The following SBF2 variants were observed in gnomAD, a reference collection of about 807,000 sequenced individuals.
SBF2 encodes the protein SET binding factor 2, also known as myotubularin-related protein 13.
In SBF2, 112 loss-of-function variants were observed where a neutral mutation model predicts 225.2. That is an observed-to-expected ratio of 0.50 (90% CI 0.43 to 0.58). The LOEUF is 0.58. Among genes scored for constraint, SBF2 ranks in the 20% least tolerant of loss-of-function variants. The pLI is 0.00. For synonymous variants in SBF2, 763 were observed against 773.3 expected (o/e 0.99, Z 0.22); for missense variants, 1,996 against 2,206.2 (o/e 0.90, Z 1.91).
At chr11:10,219,080 G>A (rs1591240948) in intron 1 of SBF2, among the ~76,000 whole-genome samples, 2 of 152,316 alleles carry the variant, frequency 1.3e-5, no homozygotes, top group East Asian at 1.9e-4. Flanking sequence ...GACTCTGTGT[G>A]GCGGCTCTGA....
chr11:10,058,522 C>T (rs1950328860), intron 2 of SBF2, among the ~76,000 whole-genome samples: 1 of 151,998 alleles, frequency 6.6e-6, no homozygotes, highest in Non-Finnish European at 1.5e-5. Context: ...ATTATGTAAA[C>T]AGAAATCTAT....
intron 16 of SBF2, among the ~76,000 whole-genome samples, chr11:9,897,853 C>T (rs1861391929): frequency 6.6e-6 from 1 of 152,194 alleles, no homozygotes; most frequent in Non-Finnish European, 1.5e-5. Context: ...CTGGATTTAT[C>T]TACCTATCAG....
chr11:9,831,164 AT>A (rs1855375311), intron 27 of SBF2, among the ~76,000 whole-genome samples: 1 of 151,888 alleles, frequency 6.6e-6, no homozygotes, highest in South Asian at 2.1e-4. Flanking sequence ...CGCCTGGCTA[AT>A]TTTTGTATTT....
chr11:9,877,019 G>A lies in SBF2; in HGVS notation c.1930-18623C>T, dbSNP rs539318072. Among the ~76,000 whole-genome samples, 32 of 152,262 alleles carry A rather than the reference G, an allele frequency of 2.1e-4. 1 individual carries two copies. The East Asian group carries it at 2.7e-3, about 13-fold the overall frequency. On this transcript the variant is annotated intron_variant, in intron 17 of 39. Coordinates refer to ENST00000256190, the MANE Select transcript of SBF2 (RefSeq NM_030962.4). ...CTCCCAAAGTGTTGGGATTACAGGCGTGAGCCACTATGCCTGGCCTAGAAC... is the reference window on the plus strand; with the variant it reads ...CTCCCAAAGTGTTGGGATTACAGGCATGAGCCACTATGCCTGGCCTAGAAC...
intron 6 of SBF2, among the ~76,000 whole-genome samples, chr11:10,003,009 C>T (rs1424085176): frequency 1.3e-5 from 2 of 152,134 alleles, no homozygotes; most frequent in Admixed American, 6.5e-5. Context: ...TAAAAACTAA[C>T]CCCTGCAGAG....
intron 32 of SBF2, among the ~76,000 whole-genome samples, chr11:9,806,910 G>A (rs1853885314): frequency 6.6e-6 from 1 of 152,154 alleles, no homozygotes; most frequent in African/African-American, 2.4e-5. Flanking sequence ...GTTCAATAAA[G>A]CTGTTATTTA....
chr11:9,792,066 A>C (rs1852779272), intron 33 of SBF2, among the ~76,000 whole-genome samples: 2 of 152,230 alleles, frequency 1.3e-5, no homozygotes, highest in African/African-American at 4.8e-5. Context: ...TCCAGTATGT[A>C]ATAATCAACA....
chr11:10,180,747 T>G lies in SBF2; in HGVS notation c.141+13155A>C, dbSNP rs534709665. On this transcript the variant is annotated intron_variant, in intron 2 of 39. Transcript: ENST00000256190. ...GGCTATTTTCTAGATCTTGTAGGTA[T>G]GCTTCATTCTTTTTTCTTTGGTGTT... 2.0e-5 allele frequency among the ~76,000 whole-genome samples: 3 copies of G among 152,280 alleles called. No individual in the cohort carries two copies. In the East Asian group the frequency reaches 5.8e-4, roughly 29 times the overall value.
At chr11:10,149,683 T>G (rs1207955712) in intron 2 of SBF2, 1 of 152,172 alleles carries the variant, frequency 6.6e-6, no homozygotes, top group Non-Finnish European at 1.5e-5. Flanking sequence ...CTTGTTACAG[T>G]AGCAACACAA....
At chr11:10,249,852 T>C (rs1425956525) in intron 1 of SBF2, among the ~76,000 whole-genome samples, 1 of 134,844 alleles carries the variant, frequency 7.4e-6, no homozygotes, top group African/African-American at 2.8e-5. Context: ...TATGGGGGAG[T>C]CCATAGCATT....
intron 16 of SBF2, among the ~76,000 whole-genome samples, chr11:9,933,903 T>C (rs1864688345): frequency 6.6e-6 from 1 of 152,018 alleles, no homozygotes; most frequent in Non-Finnish European, 1.5e-5. Flanking sequence ...ACAAAATTGA[T>C]AGACTGCTAG....
chr11:10,264,557 CTTTA>C (rs1050581283), intron 1 of SBF2, among the ~76,000 whole-genome samples: 47 of 152,102 alleles, frequency 3.1e-4, no homozygotes, highest in African/African-American at 8.9e-4. Flanking sequence ...ACAGTTCCTA[CTTTA>C]TTTATTTTTT....
intron 2 of SBF2, among the ~76,000 whole-genome samples, chr11:10,084,099 T>C (rs575749422): frequency 1.3e-5 from 2 of 152,290 alleles, no homozygotes; most frequent in African/African-American, 2.4e-5. Context: ...GCAAAGTATC[T>C]ATCCAACAAG....
At chr11:10,081,940 A>G (rs76377127) in intron 2 of SBF2, among the ~76,000 whole-genome samples, 1 of 152,048 alleles carries the variant, frequency 6.6e-6, no homozygotes, top group Admixed American at 6.5e-5. Flanking sequence ...TCAACAAAAA[A>G]TTAAAAAGTT....
chr11:10,241,788 A>G (rs949328148), intron 1 of SBF2, among the ~76,000 whole-genome samples: 1 of 152,134 alleles, frequency 6.6e-6, no homozygotes, highest in African/African-American at 2.4e-5. Flanking sequence ...TCATTTCTCC[A>G]TGGAAACACA....
chr11:10,062,439 A>C (rs867508502), intron 2 of SBF2, among the ~76,000 whole-genome samples: 2 of 152,258 alleles, frequency 1.3e-5, no homozygotes, highest in African/African-American at 4.8e-5. Context: ...CAAACTATGC[A>C]TCTGACAAAG....
chr11:9,837,246 A>C (rs1009993488), intron 26 of SBF2, among the ~76,000 whole-genome samples: 23 of 152,308 alleles, frequency 1.5e-4, no homozygotes, highest in African/African-American at 5.5e-4. Flanking sequence ...AAGATTAAGG[A>C]GCTACCCACT....
chr11:9,852,677 T>C lies in SBF2; in HGVS notation c.2609A>G (p.Lys870Arg). ...RESRRLPPIQKPKILRPALLP... is the reference protein window; with the variant it reads ...RESRRLPPIQRPKILRPALLP... ...TGAAAGCATGTAGTCTGGAATTACC[T>C]TCTGAATAGGCGGAAGTCTTCTGCT... is the stretch of plus-strand genomic sequence containing the variant. The change falls in exon 21 of 40, where the codon AAG becomes AGG. Residue 870 changes from lysine to arginine, a missense_variant and splice_region_variant. Coordinates refer to ENST00000256190, the MANE Select transcript of SBF2 (RefSeq NM_030962.4). 1 of 1,609,510 alleles carries C rather than the reference T, an allele frequency of 6.2e-7. No homozygotes were observed. The highest frequency in any genetic ancestry group is 2.2e-5 in the East Asian group (1 of 44,828).
chr11:10,031,404 AG>A (rs1949252507), intron 3 of SBF2, among the ~76,000 whole-genome samples: 1 of 152,248 alleles, frequency 6.6e-6, no homozygotes, highest in African/African-American at 2.4e-5. Context: ...CTTAAGCTCC[AG>A]ACATATAACA....
Sources: gnomAD v4.1 joint callset for allele counts (sites outside exome capture counted in the v4.1 genomes callset) on GRCh38, gnomAD v4.1.1 for gene constraint, MANE v1.5 for transcripts, NCBI Gene and HGNC (gene_info 2026-07-23, HGNC 2026-07-21) for gene names.